COL14A1: variants seen among roughly 807,000 people sequenced by gnomAD.
The protein encoded by COL14A1 is collagen alpha-1(XIV) chain.
COL14A1 carries 136 observed loss-of-function variants against 230.3 expected under a neutral mutation model. That is an observed-to-expected ratio of 0.59 (90% CI 0.51 to 0.68). The LOEUF is 0.68. Ranked by LOEUF, COL14A1 falls within the 30% of genes least tolerant of loss-of-function variation. COL14A1 has a pLI of 0.00. For synonymous variants in COL14A1, 792 were observed against 784.1 expected, an observed-to-expected ratio of 1.01 and a Z score of -0.17; for missense variants, 1,976 against 2,215.8, an observed-to-expected ratio of 0.89 and a Z score of 2.17.
chr8:120,186,179 C>T lies in COL14A1; in HGVS notation c.437-10612C>T, dbSNP rs1586747613. On this transcript the variant is annotated intron_variant, in intron 5 of 47. Transcript: ENST00000297848. ...AAAAACCCTTTCAGAATGAAAGTTT[C>T]TCGTTGAGTTTTTGGCAATGTAAAA... Among the ~76,000 whole-genome samples, 5 of 152,288 alleles carry T rather than the reference C, an allele frequency of 3.3e-5. No individual in the cohort carries two copies. In the East Asian group the frequency reaches 9.6e-4, roughly 29 times the overall value.
chr8:120,307,950 A>C (rs928053243), intron 36 of COL14A1, among the ~76,000 whole-genome samples: 1 of 152,208 alleles, frequency 6.6e-6, no homozygotes, highest in Non-Finnish European at 1.5e-5. Context: ...GGGATATGTA[A>C]GGATGTTAAT....
At chr8:120,301,603 A>G (rs1296960656) in intron 36 of COL14A1, among the ~76,000 whole-genome samples, 1 of 152,114 alleles carries the variant, frequency 6.6e-6, no homozygotes, top group African/African-American at 2.4e-5. Flanking sequence ...CCAATCTGTC[A>G]CTGATGGGCA....
At chr8:120,142,596 T>G (rs1240248210) in intron 1 of COL14A1, among the ~76,000 whole-genome samples, 1 of 152,218 alleles carries the variant, frequency 6.6e-6, no homozygotes, top group Non-Finnish European at 1.5e-5. Flanking sequence ...CCATTAGGAA[T>G]TTTAAGGAAT....
chr8:120,239,831 TG>T (rs1251812394), intron 19 of COL14A1, among the ~76,000 whole-genome samples: 1 of 102,096 alleles, frequency 9.8e-6, no homozygotes, highest in Non-Finnish European at 1.9e-5. Context: ...TTCTGTTTTT[TG>T]TTTTTTTTTT....
At chr8:120,210,866 A>AG (rs1162107676) in intron 12 of COL14A1, among the ~76,000 whole-genome samples, 1 of 152,180 alleles carries the variant, frequency 6.6e-6, no homozygotes, top group East Asian at 1.9e-4. Context: ...TCCAAGGCTT[A>AG]GATGGCTTTT....
intron 23 of COL14A1, 70 bp downstream of exon 23, chr8:120,255,426 AC>A (rs781694158): frequency 6.8e-5 from 78 of 1,140,510 alleles, no homozygotes; most frequent in Middle Eastern, 2.1e-4. Flanking sequence ...ACCACTGTGT[AC>A]AACACACAAG....
At chr8:120,286,228 T>C (rs1820199137) in intron 33 of COL14A1, among the ~76,000 whole-genome samples, 1 of 151,940 alleles carries the variant, frequency 6.6e-6, no homozygotes. Flanking sequence ...AAAAATGTAG[T>C]TAAGGATATG....
intron 1 of COL14A1, among the ~76,000 whole-genome samples, chr8:120,125,631 T>C (rs779183759): frequency 1.3e-5 from 2 of 151,930 alleles, no homozygotes; most frequent in Non-Finnish European, 2.9e-5. Context: ...AGTGTTTGAG[T>C]GACGTGAGCG....
At chr8:120,176,093 A>G in intron 5 of COL14A1, among the ~76,000 whole-genome samples, 1 of 152,206 alleles carries the variant, frequency 6.6e-6, no homozygotes, top group East Asian at 1.9e-4. Flanking sequence ...AAATAGTTTA[A>G]ATACATATAT....
At position 120,147,868 on chromosome 8, in the gene COL14A1, G is replaced by T; in HGVS notation, c.26G>T (p.Arg9Leu). ...ATGAAGATTTTCCAGCGCAAGATGC[G>T]GTACTGGTTGCTTCCACCTTTTTTG... MKIFQRKMRYWLLPPFLAI... is the reference protein window; with the variant it reads MKIFQRKMLYWLLPPFLAI... The change falls in exon 2 of 48, where the codon CGG (arginine) becomes CTG (leucine). Residue 9 changes from arginine (R) to leucine (L), a missense_variant. Physicochemically the swap from Arg to Leu is moderately radical, Grantham distance 102. Around this residue, in one of 3 missense-constraint regions of COL14A1, gnomAD observed 181 missense variants for 178.6 expected, o/e 1.01. Transcript: ENST00000297848. The T allele has an allele frequency of 6.2e-7, 1 of 1,613,674 alleles. No individual in the cohort carries two copies. The highest frequency in any genetic ancestry group is 2.2e-5 in the East Asian group (1 of 44,854).
rs139389321 is a variant in COL14A1 at position 120,193,775 on chromosome 8, C to T, written c.437-3016C>T. 9.3e-3 allele frequency among the ~76,000 whole-genome samples: 1,412 copies of T among 152,274 alleles called. 21 individuals carry two copies. Among genetic ancestry groups the T allele is most frequent in the African/African-American group, 0.032 (1,341 of 41,558 alleles). On this transcript the variant is annotated intron_variant, in intron 5 of 47. Coordinates refer to ENST00000297848, the MANE Select transcript of COL14A1 (RefSeq NM_021110.4). ...ATGGTGGGTGCCCCTCCCCCAGCCT[C>T]GCTGCCACCTTATAGTTTGATCTCA...
chr8:120,134,053 T>A (rs988739265), intron 1 of COL14A1, among the ~76,000 whole-genome samples: 1 of 151,962 alleles, frequency 6.6e-6, no homozygotes, highest in Non-Finnish European at 1.5e-5. Flanking sequence ...ACTCAAAATG[T>A]CAAATTTATA....
At position 120,314,460 on chromosome 8, in the gene COL14A1, A is replaced by G. The variant is rs140117652; in HGVS notation, c.4551+433A>G. 8.0e-3 allele frequency among the ~76,000 whole-genome samples: 1,214 copies of G among 152,314 alleles called. 18 individuals carry two copies. The highest frequency in any genetic ancestry group is 0.027 in the African/African-American group (1,124 of 41,568). On this transcript the variant is annotated intron_variant, in intron 38 of 47. Coordinates refer to ENST00000297848, the MANE Select transcript of COL14A1 (RefSeq NM_021110.4). The stretch of plus-strand genomic sequence containing the variant: ...CTTATCTCAAATGGCATCAAAGTGC[A>G]GTTTATGGAGAGTGAGAGTTTAGAT...
At chr8:120,321,898 T>G (rs1019323160) in intron 40 of COL14A1, among the ~76,000 whole-genome samples, 3 of 152,112 alleles carry the variant, frequency 2.0e-5, no homozygotes, top group African/African-American at 7.2e-5. Flanking sequence ...AATGTATAGT[T>G]TTTAAAAGCT....
At chr8:120,242,289 C>T (rs1402855674) in intron 19 of COL14A1, among the ~76,000 whole-genome samples, 1 of 152,206 alleles carries the variant, frequency 6.6e-6, no homozygotes, top group East Asian at 1.9e-4. Context: ...ATAGTAATTG[C>T]TAGGTAAGGG....
At chr8:120,271,019 T>C (rs1266977362) in intron 26 of COL14A1, among the ~76,000 whole-genome samples, 1 of 151,734 alleles carries the variant, frequency 6.6e-6, no homozygotes, top group East Asian at 1.9e-4. Flanking sequence ...GTGGTACATA[T>C]ACATCATGGA....
At chr8:120,146,815 G>A (rs1039807674) in intron 1 of COL14A1, among the ~76,000 whole-genome samples, 30 of 152,074 alleles carry the variant, frequency 2.0e-4, no homozygotes, top group African/African-American at 6.5e-4. Flanking sequence ...ATGAATAAAC[G>A]AATATATAAA....
In COL14A1 at chr8:120,266,837, T is replaced by G. The variant is rs1365981458; in HGVS notation, c.3027T>G (p.Pro1009=). 1 of 1,612,306 alleles carries G rather than the reference T, an allele frequency of 6.2e-7. No individual in the cohort carries two copies. Among genetic ancestry groups the G allele is most frequent in the South Asian group, 1.1e-5 (1 of 91,022 alleles). ...VSIMEKTQSL[P]TRPPTFPPTI... is the part of the protein sequence containing the mutation. ...CCCTTTCCTTTACAGAATCACTTCC[T>G]ACACGACCACCAACTTTTCCTCCAA... is the stretch of plus-strand genomic sequence containing the variant. Residue 1009 remains proline (P), a synonymous_variant, in exon 25 of 48, where the codon CCT becomes CCG. Coordinates refer to ENST00000297848, the MANE Select transcript of COL14A1 (RefSeq NM_021110.4).
intron 40 of COL14A1, among the ~76,000 whole-genome samples, chr8:120,326,572 G>A (rs749281183): frequency 6.6e-6 from 1 of 152,184 alleles, no homozygotes; most frequent in Non-Finnish European, 1.5e-5. Flanking sequence ...AAAATGTGAA[G>A]ATCTTTAATT....
Sources: allele counts gnomAD v4.1 joint callset (sites outside exome capture counted in the v4.1 genomes callset), GRCh38; gene constraint gnomAD v4.1.1; regional missense constraint gnomAD v4.1.1; transcripts MANE v1.5; gene names NCBI Gene and HGNC (gene_info 2026-07-23, HGNC 2026-07-21).